Variants in TSGA10 observed in about 807,000 individuals in gnomAD.
TSGA10 encodes testis-specific gene 10 protein.
In TSGA10, 43 loss-of-function variants were observed where a neutral mutation model predicts 96.6. That is an observed-to-expected ratio of 0.44 (90% CI 0.35 to 0.57). The LOEUF (loss-of-function observed/expected upper bound fraction) is 0.57. Among genes scored for constraint, TSGA10 ranks in the 20% least tolerant of loss-of-function variants. The probability of loss-of-function intolerance (pLI) is 0.01; values close to 1 mark genes in which losing one functional copy is unlikely to be tolerated. For missense variants in TSGA10, 703 were observed against 834.4 expected, an observed-to-expected ratio of 0.84 and a Z score of 1.94; for synonymous variants, 229 against 269.9, an observed-to-expected ratio of 0.85 and a Z score of 1.48.
chr2:99,042,033 C>T (rs184579447), intron 16 of TSGA10, among the ~76,000 whole-genome samples: 57 of 142,520 alleles, frequency 4.0e-4, no homozygotes, highest in African/African-American at 1.5e-3. Context: ...GACAATTGCC[C>T]CCCCACATTT....
chr2:99,029,297 T>C (rs1401835874), intron 17 of TSGA10, among the ~76,000 whole-genome samples: 1 of 152,202 alleles, frequency 6.6e-6, no homozygotes, highest in East Asian at 1.9e-4. Context: ...GAATTCATGT[T>C]CTCAAAATTC....
chr2:99,066,620 C>G (rs1422839848), intron 15 of TSGA10, among the ~76,000 whole-genome samples: 1 of 152,082 alleles, frequency 6.6e-6, no homozygotes, highest in East Asian at 1.9e-4. Flanking sequence ...CGTAGAATGT[C>G]TCTCCTGTCC....
At chr2:99,123,541 T>C (rs2092685868) in intron 2 of TSGA10, among the ~76,000 whole-genome samples, 1 of 152,188 alleles carries the variant, frequency 6.6e-6, no homozygotes, top group Admixed American at 6.5e-5. Context: ...AAAATATATA[T>C]ACATAATTTT....
intron 14 of TSGA10, among the ~76,000 whole-genome samples, chr2:99,069,604 G>A (rs2104498580): frequency 6.7e-6 from 1 of 150,286 alleles, no homozygotes; most frequent in South Asian, 2.1e-4. Flanking sequence ...TTTGAGACCA[G>A]CCTGAACAAC....
At chr2:99,129,077 T>C (rs865834224) in intron 1 of TSGA10, among the ~76,000 whole-genome samples, 3 of 152,238 alleles carry the variant, frequency 2.0e-5, no homozygotes, top group African/African-American at 2.4e-5. Flanking sequence ...AAGTATTTTA[T>C]CATCTGTTCA....
intron 2 of TSGA10, among the ~76,000 whole-genome samples, chr2:99,121,131 GGATATAAGTTTTGAGTA>G (rs2092548868): frequency 6.6e-6 from 1 of 152,108 alleles, no homozygotes; most frequent in African/African-American, 2.4e-5. Context: ...CAACTGAGTA[GGATATAAGTTTTGAGTA>G]GATATAAGTT....
At chr2:99,045,886 G>A (rs1002414174) in intron 16 of TSGA10, among the ~76,000 whole-genome samples, 59 of 150,276 alleles carry the variant, frequency 3.9e-4, no homozygotes, top group Admixed American at 1.0e-3. Context: ...GACGGAGGAG[G>A]AGCAAATGGA....
chr2:99,081,561 A>T (rs184603507), intron 10 of TSGA10, among the ~76,000 whole-genome samples, 164 bp from the exon 11 acceptor site: 23 of 152,340 alleles, frequency 1.5e-4, no homozygotes, highest in Admixed American at 2.0e-4. Context: ...TTTAAAAAAT[A>T]AAGGGTAAGA....
At chr2:99,018,781 C>T in intron 18 of TSGA10, 141 bp from the exon 19 acceptor site, 1 of 698,510 alleles carries the variant, frequency 1.4e-6, no homozygotes, top group Non-Finnish European at 2.3e-6. Context: ...TTTATTAGTA[C>T]ATCTAAAATA....
At chr2:99,064,751 T>C (rs2085074626) in intron 16 of TSGA10, among the ~76,000 whole-genome samples, 188 bp downstream of exon 16, 1 of 152,212 alleles carries the variant, frequency 6.6e-6, no homozygotes, top group Non-Finnish European at 1.5e-5. Context: ...CTAATGATTG[T>C]TCTGGATGTA....
intron 4 of TSGA10, among the ~76,000 whole-genome samples, chr2:99,111,152 G>A (rs1375841201): frequency 1.3e-5 from 2 of 152,016 alleles, no homozygotes; most frequent in Admixed American, 6.6e-5. Context: ...TTAATTGATT[G>A]TATTTTACCA....
chr2:99,027,016 G>A (rs1315211968), intron 17 of TSGA10, among the ~76,000 whole-genome samples: 1 of 152,210 alleles, frequency 6.6e-6, no homozygotes, highest in African/African-American at 2.4e-5. Context: ...TCCCTTGCAT[G>A]CGCAGTTCAC....
At chr2:99,113,082 G>T (rs1245218554) in intron 4 of TSGA10, among the ~76,000 whole-genome samples, 4 of 151,898 alleles carry the variant, frequency 2.6e-5, no homozygotes, top group African/African-American at 9.7e-5. Flanking sequence ...ATAGTGTCAT[G>T]TTCAATTATC....
At chr2:99,104,822 TTATAAA>T (rs995741771) in intron 9 of TSGA10, among the ~76,000 whole-genome samples, 2 of 152,224 alleles carry the variant, frequency 1.3e-5, no homozygotes, top group African/African-American at 4.8e-5. Context: ...ACAGATGAAC[TTATAAA>T]TATATTCAAT....
chr2:99,053,880 A>G (rs1177113113), intron 16 of TSGA10, among the ~76,000 whole-genome samples: 1 of 152,194 alleles, frequency 6.6e-6, no homozygotes, highest in Non-Finnish European at 1.5e-5. Flanking sequence ...AAGAAATTGA[A>G]GAAGACACAA....
At chr2:99,119,030 G>C (rs1205404640) in intron 2 of TSGA10, among the ~76,000 whole-genome samples, 1 of 151,952 alleles carries the variant, frequency 6.6e-6, no homozygotes, top group African/African-American at 2.4e-5. Context: ...AGTCTGTAAG[G>C]AGCATCTGAA....
intron 10 of TSGA10, among the ~76,000 whole-genome samples, chr2:99,091,282 GA>G (rs1342780576): frequency 2.0e-5 from 3 of 152,098 alleles, no homozygotes; most frequent in Non-Finnish European, 2.9e-5. Flanking sequence ...TCTAAATCTT[GA>G]AACAAATCCT....
intron 12 of TSGA10, among the ~76,000 whole-genome samples, chr2:99,076,969 C>T (rs2104558835): frequency 6.6e-6 from 1 of 152,166 alleles, no homozygotes; most frequent in East Asian, 1.9e-4. Flanking sequence ...CCTTCCTCCT[C>T]CCTTAACCCA....
intron 20 of TSGA10, among the ~76,000 whole-genome samples, chr2:99,012,020 T>C (rs35458525): frequency 0.054 from 8,218 of 152,196 alleles, 417 homozygotes; most frequent in East Asian, 0.21. Context: ...CCAGAAGGGA[T>C]TGGGGTCCCA....
Sources: allele counts gnomAD v4.1 joint callset (sites outside exome capture counted in the v4.1 genomes callset), GRCh38; gene constraint gnomAD v4.1.1; transcripts MANE v1.5; gene names NCBI Gene and HGNC (gene_info 2026-07-23, HGNC 2026-07-21).